Variants in FNDC3B observed in about 807,000 individuals in gnomAD.
FNDC3B encodes fibronectin type III domain-containing protein 3B.
FNDC3B carries 12 observed loss-of-function variants against 151.5 expected under a neutral mutation model. The observed-to-expected ratio is 0.08, with a 90% CI of 0.05 to 0.13. The LOEUF (loss-of-function observed/expected upper bound fraction) is 0.13. Ranked by LOEUF, FNDC3B falls within the 10% of genes least tolerant of loss-of-function variation. The probability of loss-of-function intolerance (pLI) is 1.00; values close to 1 mark genes in which losing one functional copy is unlikely to be tolerated. For synonymous variants in FNDC3B, 528 were observed against 549.0 expected (o/e 0.96, Z 0.54); for missense variants, 1,214 against 1,505.3 (o/e 0.81, Z 3.20).
At chr3:172,152,779 C>T (rs191202480) in intron 3 of FNDC3B, among the ~76,000 whole-genome samples, 2 of 152,154 alleles carry the variant, frequency 1.3e-5, no homozygotes, top group African/African-American at 4.8e-5. Context: ...ATCCAGGTGC[C>T]TAGGAGCCCT....
At chr3:172,206,944 A>G (rs866960395) in intron 3 of FNDC3B, among the ~76,000 whole-genome samples, 5 of 152,168 alleles carry the variant, frequency 3.3e-5, no homozygotes, top group South Asian at 2.1e-4. Context: ...TGCCCCAAGA[A>G]TCTTTGTTTT....
chr3:172,064,839 G>A lies in FNDC3B; in HGVS notation c.-29+25068G>A, dbSNP rs184898248. Among the ~76,000 whole-genome samples the A allele has an allele frequency of 7.2e-5, 11 of 152,284 alleles. No individual in the cohort carries two copies. In the East Asian group the frequency reaches 7.7e-4, roughly 11 times the overall value. On this transcript the variant is annotated intron_variant, in intron 1 of 25. Transcript: ENST00000415807. Reference sequence around the variant, plus strand: ...ATTCGTCATCACTGCAGTACCTGGCGCATAGTAGGCTCTCCATTTGGTGTG... The same window carrying A: ...ATTCGTCATCACTGCAGTACCTGGCACATAGTAGGCTCTCCATTTGGTGTG...
rs368294033 is a variant in FNDC3B at position 172,398,265 on chromosome 3, T to C, written c.*790T>C. 6.5e-5 allele frequency: 10 copies of C among 152,688 alleles called. No individual in the cohort carries two copies. In the East Asian group the frequency reaches 9.6e-4, roughly 15 times the overall value. The allele number at this position is 152,688 out of a possible 1,614,324, so 9.5% of individuals were successfully genotyped here. ...TTTAAAGGCTGCTTTAACTTGTTTG[T>C]TTGTCTTTGTATATAACTACTTCTA... On this transcript the variant is annotated 3_prime_UTR_variant, in exon 26 of 26. Transcript: ENST00000415807.
chr3:172,181,827 C>CAAAAAAAAAAAAAAAAA (rs747723219), intron 3 of FNDC3B, among the ~76,000 whole-genome samples: 1 of 61,572 alleles, frequency 1.6e-5, no homozygotes, highest in African/African-American at 6.4e-5. Flanking sequence ...GACTCCATCT[C>CAAAAAAAAAAAAAAAAA]AAAAAAAAAA....
chr3:172,186,652 C>A, intron 3 of FNDC3B: 2 of 671,482 alleles, frequency 3.0e-6, no homozygotes, highest in Non-Finnish European at 5.3e-6. Flanking sequence ...GCAAGAAAAT[C>A]ATGGAAAATT....
intron 1 of FNDC3B, among the ~76,000 whole-genome samples, chr3:172,057,141 T>A (rs1347250528): frequency 6.6e-6 from 1 of 152,016 alleles, no homozygotes; most frequent in Non-Finnish European, 1.5e-5. Flanking sequence ...TAAAGGGGAG[T>A]CACTCCCTCC....
chr3:172,341,156 C>T lies in FNDC3B; in HGVS notation c.1896C>T (p.Tyr632=). 1 of 1,614,202 alleles carries T rather than the reference C, an allele frequency of 6.2e-7. No individual in the cohort carries two copies. The highest frequency in any genetic ancestry group is 8.5e-7 in the Non-Finnish European group (1 of 1,180,028). Residue 632 remains tyrosine, a synonymous_variant, in exon 17 of 26, where the codon TAC becomes TAT. Transcript: ENST00000415807. The part of the protein sequence containing the change: ...EVAYSGSATE[Y]TFTHLKPGTL... ...CCTACAGTGGGTCGGCTACCGAATA[C>T]ACCTTCACCCACTTGAAACCAGGCA...
intron 17 of FNDC3B, among the ~76,000 whole-genome samples, chr3:172,341,470 C>T (rs1411237583): frequency 6.6e-6 from 1 of 152,148 alleles, no homozygotes; most frequent in Non-Finnish European, 1.5e-5. Context: ...ACTCATTTCT[C>T]AGAAGGCTTT....
chr3:172,170,336 C>T (rs1429028515), intron 3 of FNDC3B, among the ~76,000 whole-genome samples: 1 of 152,242 alleles, frequency 6.6e-6, no homozygotes, highest in African/African-American at 2.4e-5. Flanking sequence ...CCCAAGTCAA[C>T]AAGCCATGGT....
intron 3 of FNDC3B, among the ~76,000 whole-genome samples, chr3:172,192,169 G>GT (rs200952601): frequency 0.11 from 9,715 of 86,654 alleles, 439 homozygotes; most frequent in Middle Eastern, 0.18. Context: ...TTTTGTGTGT[G>GT]TTTTTTGTTT....
chr3:172,129,283 T>C (rs1051927626), intron 2 of FNDC3B, among the ~76,000 whole-genome samples: 2 of 152,188 alleles, frequency 1.3e-5, no homozygotes, highest in African/African-American at 4.8e-5. Context: ...AGAAGCTTTT[T>C]TGATGGACTG....
rs1721377615 is a variant in FNDC3B, at chr3:172,136,601, AT to A, written c.187+3056del. ...AAACCTATTAGGAAGGAATCTGAAAATGGTCACATTGTAATGGAAATTTCTG... is the reference window on the plus strand; with the variant it reads ...AAACCTATTAGGAAGGAATCTGAAAAGGTCACATTGTAATGGAAATTTCTG... On this transcript the variant is annotated intron_variant, in intron 3 of 25. Transcript: ENST00000415807. Among the ~76,000 whole-genome samples, 11 of 152,216 alleles carry A rather than the reference AT, an allele frequency of 7.2e-5. No homozygotes were observed. In the South Asian group the frequency reaches 2.3e-3, roughly 32 times the overall value.
At chr3:172,098,908 A>G (rs549953702) in intron 1 of FNDC3B, among the ~76,000 whole-genome samples, 7 of 152,242 alleles carry the variant, frequency 4.6e-5, no homozygotes, top group African/African-American at 1.7e-4. Context: ...GTGAGTACCT[A>G]TTGTGGAGTC....
intron 3 of FNDC3B, among the ~76,000 whole-genome samples, chr3:172,159,473 T>C (rs2108615070): frequency 6.6e-6 from 1 of 152,318 alleles, no homozygotes; most frequent in Admixed American, 6.5e-5. Flanking sequence ...TTTAGGTAAA[T>C]AAGGACCCAA....
At chr3:172,332,710 G>A (rs1732740897) in intron 13 of FNDC3B, among the ~76,000 whole-genome samples, 2 of 152,192 alleles carry the variant, frequency 1.3e-5, no homozygotes, top group Admixed American at 6.5e-5. Flanking sequence ...AGAGGGCACT[G>A]TGTGGTCAGG....
intron 3 of FNDC3B, among the ~76,000 whole-genome samples, chr3:172,151,469 C>T (rs1476984008): frequency 6.6e-6 from 1 of 151,676 alleles, no homozygotes; most frequent in Non-Finnish European, 1.5e-5. Context: ...CCCCCAACCT[C>T]TTTTTTTTTC....
chr3:172,231,059 C>T (rs975667689), intron 4 of FNDC3B, among the ~76,000 whole-genome samples: 3 of 152,136 alleles, frequency 2.0e-5, no homozygotes, highest in African/African-American at 7.2e-5. Context: ...AACCCAAATG[C>T]CCATCAACTT....
intron 22 of FNDC3B, among the ~76,000 whole-genome samples, chr3:172,358,453 C>G (rs1031104119): frequency 6.6e-6 from 1 of 152,254 alleles, no homozygotes; most frequent in Non-Finnish European, 1.5e-5. Flanking sequence ...ATCTTTGTCT[C>G]ACTCTCACCT....
intron 7 of FNDC3B, among the ~76,000 whole-genome samples, chr3:172,293,997 G>A (rs756395917): frequency 6.6e-6 from 1 of 152,174 alleles, no homozygotes; most frequent in African/African-American, 2.4e-5. Context: ...AAGCTTTAGC[G>A]TCTGTATTGT....
Sources: allele counts gnomAD v4.1 joint callset (sites outside exome capture counted in the v4.1 genomes callset), GRCh38; gene constraint gnomAD v4.1.1; transcripts MANE v1.5; gene names NCBI Gene and HGNC (gene_info 2026-07-23, HGNC 2026-07-21).